ZNF521: variants seen among roughly 807,000 people sequenced by gnomAD.
ZNF521 encodes LYST-interacting protein 3.
ZNF521 carries 14 observed loss-of-function variants against 105.5 expected under a neutral mutation model. That is an observed-to-expected ratio of 0.13 (90% CI 0.09 to 0.21). ZNF521 has a LOEUF of 0.21. Ranked by LOEUF, ZNF521 falls within the 10% of genes least tolerant of loss-of-function variation. The probability of loss-of-function intolerance (pLI) is 1.00; values close to 1 mark genes in which losing one functional copy is unlikely to be tolerated. For synonymous variants in ZNF521, 635 were observed against 606.0 expected, an observed-to-expected ratio of 1.05 and a Z score of -0.70; for missense variants, 1,233 against 1,629.7, an observed-to-expected ratio of 0.76 and a Z score of 4.19.
chr18:25,070,978 G>T (rs1469751372), intron 7 of ZNF521, among the ~76,000 whole-genome samples: 1 of 152,122 alleles, frequency 6.6e-6, no homozygotes, highest in Non-Finnish European at 1.5e-5. Flanking sequence ...TCTTGTTAAT[G>T]ACCTGTCTTG....
intron 2 of ZNF521, among the ~76,000 whole-genome samples, chr18:25,338,055 T>C (rs912440288): frequency 3.3e-5 from 5 of 152,162 alleles, no homozygotes; most frequent in Non-Finnish European, 7.4e-5. Flanking sequence ...CAATTTAAGA[T>C]TGGCCCAGTT....
At chr18:25,201,878 C>G (rs911596047) in intron 4 of ZNF521, 25 of 152,130 alleles carry the variant, frequency 1.6e-4, no homozygotes, top group Non-Finnish European at 2.5e-4. Context: ...AAACCTACAT[C>G]TTAGAGTCGA....
chr18:25,126,536 A>G (rs1225750061), intron 5 of ZNF521, among the ~76,000 whole-genome samples: 1 of 152,096 alleles, frequency 6.6e-6, no homozygotes, highest in African/African-American at 2.4e-5. Flanking sequence ...ATTCAACTGA[A>G]GAAGCAGCTC....
At chr18:25,192,094 A>G (rs2035828415) in intron 5 of ZNF521, among the ~76,000 whole-genome samples, 1 of 152,122 alleles carries the variant, frequency 6.6e-6, no homozygotes. Flanking sequence ...AATGTTTTGT[A>G]GCTCTTTTTG....
At chr18:25,196,601 G>T (rs183550071) in intron 4 of ZNF521, among the ~76,000 whole-genome samples, 1 of 151,648 alleles carries the variant, frequency 6.6e-6, no homozygotes, top group Admixed American at 6.6e-5. Context: ...TCATCTGACG[G>T]TCTTTGTACA....
chr18:25,350,192 A>C (rs780558316), intron 2 of ZNF521, among the ~76,000 whole-genome samples: 1 of 152,112 alleles, frequency 6.6e-6, no homozygotes, highest in African/African-American at 2.4e-5. Flanking sequence ...TCCAACAGGG[A>C]CGACGGAGAG....
intron 3 of ZNF521, among the ~76,000 whole-genome samples, chr18:25,258,742 C>T (rs1908692329): frequency 6.6e-6 from 1 of 152,016 alleles, no homozygotes. Context: ...GAGAACTAGC[C>T]TATCAAAAAT....
At position 25,157,332 on chromosome 18, in the gene ZNF521, T is replaced by C. The variant is rs1449922752; in HGVS notation, c.3658+37828A>G. Among the ~76,000 whole-genome samples, 3 of 152,304 alleles carry C rather than the reference T, an allele frequency of 2.0e-5. No individual in the cohort carries two copies. In the East Asian group the frequency reaches 5.8e-4, roughly 29 times the overall value. On this transcript the variant is annotated intron_variant, in intron 5 of 7. Coordinates refer to ENST00000361524, the MANE Select transcript of ZNF521 (RefSeq NM_015461.3). ...AATGTCTGTTTAAAAAAGTCTACGA[T>C]TTAGTGTGGTCAAGTTTATGAGGAA...
At chr18:25,334,792 G>A (rs1217282006) in intron 2 of ZNF521, among the ~76,000 whole-genome samples, 1 of 152,108 alleles carries the variant, frequency 6.6e-6, no homozygotes, top group Admixed American at 6.6e-5. Flanking sequence ...ACATAAAGAG[G>A]ATAAAACATG....
intron 2 of ZNF521, among the ~76,000 whole-genome samples, chr18:25,342,512 T>G (rs1914259995): frequency 6.8e-6 from 1 of 146,202 alleles, no homozygotes; most frequent in Non-Finnish European, 1.5e-5. Flanking sequence ...CACTGAAAGC[T>G]CCGCCTCCCA....
At chr18:25,108,123 G>T (rs2034110436) in intron 5 of ZNF521, among the ~76,000 whole-genome samples, 1 of 152,210 alleles carries the variant, frequency 6.6e-6, no homozygotes, top group Non-Finnish European at 1.5e-5. Context: ...CTGACATTAA[G>T]TGTAAGTTTG....
chr18:25,221,327 A>G (rs562897453), intron 4 of ZNF521, among the ~76,000 whole-genome samples: 23 of 152,274 alleles, frequency 1.5e-4, no homozygotes, highest in African/African-American at 5.1e-4. Flanking sequence ...AGGGTTTTAT[A>G]TAGTACTTAT....
intron 5 of ZNF521, among the ~76,000 whole-genome samples, chr18:25,172,771 C>T (rs953542708): frequency 2.0e-5 from 3 of 152,098 alleles, no homozygotes; most frequent in East Asian, 1.9e-4. Flanking sequence ...TAACATACCC[C>T]GTTGACTCCT....
intron 5 of ZNF521, among the ~76,000 whole-genome samples, chr18:25,167,685 G>C (rs753055079): frequency 4.6e-5 from 7 of 152,098 alleles, no homozygotes; most frequent in Non-Finnish European, 1.0e-4. Flanking sequence ...CATTAAGCAG[G>C]CATTTGGTGG....
chr18:25,091,643 C>G (rs1024225968), intron 6 of ZNF521, among the ~76,000 whole-genome samples: 2 of 151,774 alleles, frequency 1.3e-5, no homozygotes, highest in Non-Finnish European at 2.9e-5. Context: ...CCTTGGTAAC[C>G]TTTAACATCG....
chr18:25,067,859 A>G (rs931674687), intron 7 of ZNF521, among the ~76,000 whole-genome samples: 2 of 152,286 alleles, frequency 1.3e-5, no homozygotes, highest in Middle Eastern at 3.4e-3. Flanking sequence ...GCATCGGCAA[A>G]ATGTTACGTA....
At chr18:25,330,299 G>A (rs1439252184) in intron 2 of ZNF521, among the ~76,000 whole-genome samples, 1 of 152,244 alleles carries the variant, frequency 6.6e-6, no homozygotes, top group South Asian at 2.1e-4. Context: ...AAGTAGCTGG[G>A]ACTACAGGCC....
intron 3 of ZNF521, among the ~76,000 whole-genome samples, chr18:25,249,393 G>A (rs147197028): frequency 9.2e-4 from 139 of 151,510 alleles, no homozygotes; most frequent in African/African-American, 3.1e-3. Flanking sequence ...TCCTGACCTC[G>A]TGATTCACCC....
intron 3 of ZNF521, among the ~76,000 whole-genome samples, chr18:25,244,965 T>G (rs1217210787): frequency 2.0e-5 from 3 of 152,248 alleles, no homozygotes. Flanking sequence ...AAATGTGTGG[T>G]GAATTCCAAG....
Sources: gnomAD v4.1 joint callset for allele counts (sites outside exome capture counted in the v4.1 genomes callset) on GRCh38, gnomAD v4.1.1 for gene constraint, MANE v1.5 for transcripts, NCBI Gene and HGNC (gene_info 2026-07-23, HGNC 2026-07-21) for gene names.